CDH12: variants seen among roughly 807,000 people sequenced by gnomAD.
CDH12 encodes the protein cadherin 12.
In CDH12, 41 loss-of-function variants were observed where a neutral mutation model predicts 74.1. The observed-to-expected ratio is 0.55, with a 90% CI of 0.43 to 0.72. The LOEUF is 0.72. CDH12 is among the 30% of genes least tolerant of loss of function. CDH12 has a pLI of 0.00. For missense variants in CDH12, 945 were observed against 977.2 expected, an observed-to-expected ratio of 0.97 and a Z score of 0.44; for synonymous variants, 399 against 355.0, an observed-to-expected ratio of 1.12 and a Z score of -1.39.
intron 4 of CDH12, among the ~76,000 whole-genome samples, chr5:22,090,589 A>C (rs1315398150): frequency 7.1e-6 from 1 of 141,788 alleles, no homozygotes; most frequent in Non-Finnish European, 1.5e-5. Context: ...CAAGATAAAC[A>C]CACACACATA....
intron 1 of CDH12, among the ~76,000 whole-genome samples, chr5:22,791,051 C>A (rs952400088): frequency 2.6e-5 from 4 of 152,124 alleles, no homozygotes; most frequent in African/African-American, 4.8e-5. Context: ...AGGCTGATGG[C>A]TGTATGTCTG....
chr5:21,779,800 G>C (rs746289170), intron 11 of CDH12, among the ~76,000 whole-genome samples: 2 of 152,198 alleles, frequency 1.3e-5, no homozygotes, highest in Non-Finnish European at 2.9e-5. Context: ...CAGCTGGCTA[G>C]TGTGATCAAG....
In CDH12 at chr5:22,607,404, C is replaced by T. The variant is rs1318971297; in HGVS notation, c.-522-102040G>A. The stretch of plus-strand genomic sequence containing the variant: ...AATTGGACTTACAGTTCCACATGCC[C>T]GGGGAGGCCTCAGAATCATGGCAAG... On this transcript the variant is annotated intron_variant, in intron 1 of 14. Transcript: ENST00000382254. Among the ~76,000 whole-genome samples, 6 of 152,144 alleles carry T rather than the reference C, an allele frequency of 3.9e-5. No individual in the cohort carries two copies. In the East Asian group the frequency reaches 5.8e-4, roughly 15 times the overall value.
chr5:22,272,341 C>A (rs1736436450), intron 3 of CDH12, among the ~76,000 whole-genome samples: 1 of 152,216 alleles, frequency 6.6e-6, no homozygotes, highest in Non-Finnish European at 1.5e-5. Context: ...ATTAGGTATT[C>A]ATCCAAGGGA....
chr5:21,933,510 C>A (rs1450261754), intron 6 of CDH12, among the ~76,000 whole-genome samples: 2 of 152,112 alleles, frequency 1.3e-5, no homozygotes, highest in Non-Finnish European at 2.9e-5. Context: ...AGATTCATTG[C>A]AAAGTGGGAG....
chr5:21,789,931 T>C (rs571480993), intron 10 of CDH12, among the ~76,000 whole-genome samples: 3 of 152,232 alleles, frequency 2.0e-5, no homozygotes, highest in African/African-American at 4.8e-5. Flanking sequence ...AAATATTGTA[T>C]TGAATTCTTT....
At position 21,772,830 on chromosome 5, in the gene CDH12, T is replaced by C. The variant is rs72739939; in HGVS notation, c.1394-7731A>G. On this transcript the variant is annotated intron_variant, in intron 11 of 14. Coordinates refer to ENST00000382254, the MANE Select transcript of CDH12 (RefSeq NM_004061.5). ...CAAATTTCAACCTTTAGGTGAAAAG[T>C]TCATCATGTAGTTTTAATTTCCTGT... 6.0e-3 allele frequency among the ~76,000 whole-genome samples: 917 copies of C among 152,302 alleles called. 9 individuals carry two copies. The highest frequency in any genetic ancestry group is 0.014 in the South Asian group (69 of 4,822).
chr5:22,838,007 A>T (rs770925395), intron 1 of CDH12, among the ~76,000 whole-genome samples: 2 of 152,202 alleles, frequency 1.3e-5, no homozygotes, highest in Non-Finnish European at 2.9e-5. Flanking sequence ...CAATTTCAGC[A>T]CAATTTGAAG....
chr5:22,014,159 G>A (rs1426539711), intron 5 of CDH12, among the ~76,000 whole-genome samples: 5 of 152,286 alleles, frequency 3.3e-5, no homozygotes, highest in East Asian at 1.9e-4. Context: ...CCCAGGAGGC[G>A]GATGTTGCAG....
chr5:22,432,306 C>T (rs1183526781), intron 2 of CDH12, among the ~76,000 whole-genome samples: 1 of 151,940 alleles, frequency 6.6e-6, no homozygotes, highest in Non-Finnish European at 1.5e-5. Flanking sequence ...TAGGCTATAC[C>T]AGCTAAGTTT....
intron 4 of CDH12, among the ~76,000 whole-genome samples, chr5:22,086,388 G>T (rs758410028): frequency 5.9e-5 from 9 of 151,444 alleles, no homozygotes; most frequent in Non-Finnish European, 1.5e-5. Context: ...TCTGTCACCC[G>T]GGCTGGAGTG....
In CDH12 at chr5:22,721,292, C is replaced by T. The variant is rs138679068; in HGVS notation, c.-523+131766G>A. ...GGAGCCTACCTCTTGCATCAGCATG[C>T]CCTGGGATGTGAGACATGAAGTCAA... On this transcript the variant is annotated intron_variant, in intron 1 of 14. Coordinates refer to ENST00000382254, the MANE Select transcript of CDH12 (RefSeq NM_004061.5). Among the ~76,000 whole-genome samples the T allele has an allele frequency of 2.0e-5, 3 of 152,342 alleles. No individual in the cohort carries two copies. In the East Asian group the frequency reaches 5.8e-4, roughly 29 times the overall value.
intron 3 of CDH12, among the ~76,000 whole-genome samples, chr5:22,294,640 G>A (rs908206316): frequency 4.6e-5 from 7 of 152,198 alleles, no homozygotes; most frequent in South Asian, 4.2e-4. Context: ...AGTTGCTTTA[G>A]CCTCCACAGA....
chr5:22,281,061 G>A (rs532808564), intron 3 of CDH12, among the ~76,000 whole-genome samples: 8 of 152,238 alleles, frequency 5.3e-5, no homozygotes, highest in Admixed American at 4.6e-4. Context: ...ATGCAAGTCT[G>A]GTTCAATATA....
intron 1 of CDH12, among the ~76,000 whole-genome samples, chr5:22,838,657 G>C (rs1292619575): frequency 1.5e-5 from 2 of 130,386 alleles, no homozygotes; most frequent in African/African-American, 5.4e-5. Context: ...GTGTCTGTGT[G>C]TGTGTGTGTG....
At chr5:22,205,539 T>C (rs1219155303) in intron 4 of CDH12, among the ~76,000 whole-genome samples, 1 of 152,154 alleles carries the variant, frequency 6.6e-6, no homozygotes, top group Non-Finnish European at 1.5e-5. Flanking sequence ...TATTTCCCTC[T>C]ATTGTTTATA....
chr5:22,763,526 A>G (rs1053439073), intron 1 of CDH12, among the ~76,000 whole-genome samples: 1 of 151,964 alleles, frequency 6.6e-6, no homozygotes, highest in Non-Finnish European at 1.5e-5. Flanking sequence ...AAAAGTAGCA[A>G]TGGTCTTTGC....
At chr5:21,789,692 C>G (rs1394225444) in intron 10 of CDH12, among the ~76,000 whole-genome samples, 1 of 152,062 alleles carries the variant, frequency 6.6e-6, no homozygotes, top group African/African-American at 2.4e-5. Context: ...TTCTTTACTT[C>G]CATCTTTGAA....
At chr5:21,972,845 G>A (rs1422728876) in intron 6 of CDH12, among the ~76,000 whole-genome samples, 1 of 151,668 alleles carries the variant, frequency 6.6e-6, no homozygotes, top group African/African-American at 2.4e-5. Flanking sequence ...AAAAACACTT[G>A]GACTAATTCA....
Sources: gnomAD v4.1 joint callset for allele counts (sites outside exome capture counted in the v4.1 genomes callset) on GRCh38, gnomAD v4.1.1 for gene constraint, MANE v1.5 for transcripts, NCBI Gene and HGNC (gene_info 2026-07-23, HGNC 2026-07-21) for gene names.